The following DOCK5 variants were observed in gnomAD, a reference collection of about 807,000 sequenced individuals.
The protein encoded by DOCK5 is dedicator of cytokinesis protein 5.
In DOCK5, 142 loss-of-function variants were observed where a neutral mutation model predicts 251.8. That is an observed-to-expected ratio of 0.56 (90% CI 0.49 to 0.65). The LOEUF (loss-of-function observed/expected upper bound fraction) is 0.65, where lower values mean the gene tolerates loss of function less well. Ranked by LOEUF, DOCK5 falls within the 30% of genes least tolerant of loss-of-function variation. DOCK5 has a pLI of 0.00. For missense variants in DOCK5, 2,111 were observed against 2,312.3 expected, an observed-to-expected ratio of 0.91 and a Z score of 1.79; for synonymous variants, 842 against 835.5, an observed-to-expected ratio of 1.01 and a Z score of -0.13.
At chr8:25,276,564 G>A (rs1407021861) in intron 4 of DOCK5, among the ~76,000 whole-genome samples, 7 of 152,140 alleles carry the variant, frequency 4.6e-5, no homozygotes, top group African/African-American at 1.7e-4. Flanking sequence ...GAGTGGGGCC[G>A]AGGAGAGAGT....
intron 1 of DOCK5, among the ~76,000 whole-genome samples, chr8:25,223,346 G>A (rs1449770361): frequency 6.6e-6 from 1 of 152,054 alleles, no homozygotes; most frequent in Non-Finnish European, 1.5e-5. Flanking sequence ...ACAGGTTTTT[G>A]CTCTGTCATC....
chr8:25,235,914 C>T (rs1166390345), intron 1 of DOCK5, among the ~76,000 whole-genome samples: 2 of 151,144 alleles, frequency 1.3e-5, no homozygotes, highest in Admixed American at 6.6e-5. Context: ...TCTCATGCCT[C>T]AGCCTCCCGA....
intron 4 of DOCK5, among the ~76,000 whole-genome samples, chr8:25,276,002 G>C (rs1804036066): frequency 6.6e-6 from 1 of 152,072 alleles, no homozygotes; most frequent in Non-Finnish European, 1.5e-5. Context: ...CACAGAAGTA[G>C]CAAAAACTGA....
chr8:25,205,344 G>A (rs1345295502), intron 1 of DOCK5, among the ~76,000 whole-genome samples: 1 of 152,116 alleles, frequency 6.6e-6, no homozygotes, highest in Non-Finnish European at 1.5e-5. Flanking sequence ...TATAAGCCGG[G>A]AAGAGAGCCC....
intron 1 of DOCK5, among the ~76,000 whole-genome samples, chr8:25,239,343 G>GTGTGTA (rs906215948): frequency 3.8e-5 from 5 of 132,818 alleles, no homozygotes; most frequent in African/African-American, 1.1e-4. Context: ...GTGTGTGTAT[G>GTGTGTA]TGTGTGTGTG....
chr8:25,362,873 A>G (rs996631570), intron 28 of DOCK5, among the ~76,000 whole-genome samples, 174 bp from the exon 29 acceptor site: 10 of 152,202 alleles, frequency 6.6e-5, no homozygotes, highest in Admixed American at 3.9e-4. Flanking sequence ...ATCAAATTGC[A>G]TCACAGCCAG....
At chr8:25,376,408 T>C in intron 37 of DOCK5, 1 of 977,670 alleles carries the variant, frequency 1.0e-6, no homozygotes. Context: ...GGGGAGGGAA[T>C]CTCTTTCTAG....
chr8:25,259,782 G>T (rs1046948246), intron 2 of DOCK5, among the ~76,000 whole-genome samples: 1 of 152,152 alleles, frequency 6.6e-6, no homozygotes, highest in Non-Finnish European at 1.5e-5. Flanking sequence ...AAGTAAGGTT[G>T]TTATATTTTA....
intron 1 of DOCK5, among the ~76,000 whole-genome samples, chr8:25,198,815 A>G (rs557974322): frequency 1.3e-5 from 2 of 152,178 alleles, no homozygotes; most frequent in East Asian, 1.9e-4. Context: ...CTTACTTACA[A>G]CTCTGGAGAG....
chr8:25,304,960 G>C, intron 11 of DOCK5: 1 of 152,796 alleles, frequency 6.5e-6, no homozygotes, highest in Admixed American at 6.5e-5. Flanking sequence ...TGAGCTGCAG[G>C]AGCTGGAGCC....
At chr8:25,372,820 A>AG in intron 35 of DOCK5, 102 bp downstream of exon 35, 1 of 1,209,084 alleles carries the variant, frequency 8.3e-7, no homozygotes, top group Non-Finnish European at 1.1e-6. Context: ...AGGCGCCCTG[A>AG]GGCACCTTTG....
intron 26 of DOCK5, among the ~76,000 whole-genome samples, chr8:25,349,588 A>C (rs1045525626): frequency 6.6e-6 from 1 of 152,252 alleles, no homozygotes; most frequent in Non-Finnish European, 1.5e-5. Flanking sequence ...TCACTCATAA[A>C]AAGGAACAAA....
At chr8:25,284,838 C>G (rs928710778) in intron 5 of DOCK5, among the ~76,000 whole-genome samples, 15 of 152,234 alleles carry the variant, frequency 9.9e-5, no homozygotes, top group Non-Finnish European at 2.1e-4. Context: ...GGTCTTGAAA[C>G]TGAAGAATTG....
chr8:25,346,529 A>G (rs565010925), intron 26 of DOCK5, among the ~76,000 whole-genome samples: 39 of 151,878 alleles, frequency 2.6e-4, no homozygotes, highest in African/African-American at 9.4e-4. Context: ...ATCCCTCTTG[A>G]AAACACAGGG....
chr8:25,225,972 C>T (rs1483389285), intron 1 of DOCK5, among the ~76,000 whole-genome samples: 2 of 151,988 alleles, frequency 1.3e-5, no homozygotes, highest in Non-Finnish European at 2.9e-5. Context: ...GTTGGTTGCA[C>T]TACAGTGTGA....
rs751580729 is a variant in DOCK5, at chr8:25,345,559, C to A, written c.2702C>A (p.Ala901Glu). 6.2e-7 allele frequency: 1 copy of A among 1,613,940 alleles called. No individual in the cohort carries two copies. The highest frequency in any genetic ancestry group is 1.1e-5 in the South Asian group (1 of 91,090). The change falls in exon 26 of 52, where the codon GCA becomes GAA. Residue 901 changes from alanine to glutamate, a missense_variant. Around this residue, in one of 3 missense-constraint regions of DOCK5, gnomAD observed 1,717 missense variants for 1,892.4 expected, o/e 0.91. Transcript: ENST00000276440. ...AACTCCAACAAGCCTGACCACGAGG[C>A]AAGCTCGCAGCTTCTGAGCAACATC... is the stretch of plus-strand genomic sequence containing the variant. ...DDNSNKPDHE[A>E]SSQLLSNILE...
At chr8:25,279,913 C>T (rs1481740652) in intron 5 of DOCK5, among the ~76,000 whole-genome samples, 2 of 152,190 alleles carry the variant, frequency 1.3e-5, no homozygotes, top group South Asian at 2.1e-4. Flanking sequence ...GAGTGAGCCA[C>T]CATGGCCGGC....
At chr8:25,349,444 T>C (rs1290472966) in intron 26 of DOCK5, among the ~76,000 whole-genome samples, 2 of 152,178 alleles carry the variant, frequency 1.3e-5, no homozygotes, top group Non-Finnish European at 2.9e-5. Flanking sequence ...AAATAAGTCA[T>C]TATATGAAAA....
At chr8:25,231,519 G>A (rs1291432202) in intron 1 of DOCK5, among the ~76,000 whole-genome samples, 1 of 152,090 alleles carries the variant, frequency 6.6e-6, no homozygotes, top group Non-Finnish European at 1.5e-5. Flanking sequence ...CTTATACATT[G>A]ACCAAAAAAT....
Sources: allele counts gnomAD v4.1 joint callset (sites outside exome capture counted in the v4.1 genomes callset), GRCh38; gene constraint gnomAD v4.1.1; regional missense constraint gnomAD v4.1.1; transcripts MANE v1.5; gene names NCBI Gene and HGNC (gene_info 2026-07-23, HGNC 2026-07-21).